Variants in PVT1 observed in about 807,000 individuals in gnomAD.
The protein encoded by PVT1 is CXCR4/PVT1 fusion.
rs539588799 is a variant in PVT1, at chr8:127,918,364, G to A, written n.782+27366G>A. On this transcript the variant is annotated intron_variant and non_coding_transcript_variant, in intron 3 of 10. Transcript: ENST00000651587. ...TGGTATGGCTGGCTAGATTGGAAAG[G>A]CAGCTCCTCCACGGACTTGCTCGGT... is the stretch of plus-strand genomic sequence containing the variant. Among the ~76,000 whole-genome samples the A allele has an allele frequency of 4.6e-5, 7 of 152,024 alleles. No homozygotes were observed. In the East Asian group the frequency reaches 1.4e-3, roughly 29 times the overall value.
intron 4 of PVT1, among the ~76,000 whole-genome samples, chr8:128,044,012 TTTA>T (rs1267678200): frequency 0.19 from 4,562 of 23,894 alleles, 150 homozygotes; most frequent in African/African-American, 0.29. Flanking sequence ...TTATTATTTA[TTTA>T]TTTTTTTTTT....
intron 4 of PVT1, among the ~76,000 whole-genome samples, chr8:128,035,968 G>A (rs770570654): frequency 2.0e-5 from 3 of 152,210 alleles, no homozygotes; most frequent in African/African-American, 4.8e-5. Flanking sequence ...CTCCAGAAGG[G>A]TAAGAGGATA....
At chr8:128,100,820 G>T (rs1467546739) in intron 6 of PVT1, among the ~76,000 whole-genome samples, 3 of 152,150 alleles carry the variant, frequency 2.0e-5, no homozygotes, top group African/African-American at 7.2e-5. Context: ...AGCCACTTTT[G>T]TAAAGCTGTT....
intron 4 of PVT1, among the ~76,000 whole-genome samples, chr8:128,020,934 A>G (rs1269528681): frequency 6.6e-6 from 1 of 152,186 alleles, no homozygotes; most frequent in African/African-American, 2.4e-5. Context: ...CTGAATGAGC[A>G]GGTTCTAACA....
intron 2 of PVT1, among the ~76,000 whole-genome samples, chr8:127,798,941 T>C (rs2130186357): frequency 6.6e-6 from 1 of 152,188 alleles, no homozygotes; most frequent in East Asian, 1.9e-4. Context: ...TGCAATCAGG[T>C]ATAGCACTGG....
chr8:127,850,530 A>G (rs1255424391), intron 2 of PVT1, among the ~76,000 whole-genome samples: 1 of 152,188 alleles, frequency 6.6e-6, no homozygotes, highest in East Asian at 1.9e-4. Context: ...GTATAGTAAG[A>G]CACAGTGATG....
chr8:128,036,344 A>G (rs1315611883), intron 4 of PVT1, among the ~76,000 whole-genome samples: 1 of 152,126 alleles, frequency 6.6e-6, no homozygotes, highest in African/African-American at 2.4e-5. Flanking sequence ...CACAGTATGT[A>G]CCCCAGCACC....
intron 3 of PVT1, among the ~76,000 whole-genome samples, chr8:127,927,539 G>T (rs1816145070): frequency 6.6e-6 from 1 of 152,188 alleles, no homozygotes; most frequent in Non-Finnish European, 1.5e-5. Flanking sequence ...AGCACTGCTT[G>T]CTGCATGGTC....
At chr8:127,824,511 T>G (rs1814766200) in intron 2 of PVT1, among the ~76,000 whole-genome samples, 1 of 152,230 alleles carries the variant, frequency 6.6e-6, no homozygotes. Context: ...ATCATTTCTT[T>G]CAAATAATGC....
chr8:127,935,428 GGT>G (rs145282884), intron 3 of PVT1, among the ~76,000 whole-genome samples: 8 of 150,694 alleles, frequency 5.3e-5, no homozygotes, highest in Non-Finnish European at 8.9e-5. Context: ...GCCAGGTCAG[GGT>G]GTGTGTGTGT....
chr8:127,891,629 G>C (rs1815603704), intron 3 of PVT1, among the ~76,000 whole-genome samples: 1 of 152,220 alleles, frequency 6.6e-6, no homozygotes, highest in Admixed American at 6.5e-5. Context: ...TTGAAATGCT[G>C]ACCACATGAC....
intron 4 of PVT1, among the ~76,000 whole-genome samples, chr8:128,012,089 C>T (rs1817320962): frequency 6.6e-6 from 1 of 152,188 alleles, no homozygotes; most frequent in African/African-American, 2.4e-5. Context: ...ATTTCCAAAG[C>T]ATTTTTGTGA....
chr8:127,805,085 C>G (rs929498762), intron 2 of PVT1, among the ~76,000 whole-genome samples: 6 of 151,746 alleles, frequency 4.0e-5, no homozygotes, highest in Non-Finnish European at 8.8e-5. Flanking sequence ...CGCTCACCAC[C>G]ACGCCCGGCT....
At chr8:127,875,600 G>A (rs187351411) in intron 2 of PVT1, among the ~76,000 whole-genome samples, 6 of 152,054 alleles carry the variant, frequency 3.9e-5, no homozygotes, top group African/African-American at 1.2e-4. Context: ...CCTCTAAGGC[G>A]CTCCACATCT....
At chr8:128,034,431 T>C (rs764639956) in intron 4 of PVT1, among the ~76,000 whole-genome samples, 11 of 152,172 alleles carry the variant, frequency 7.2e-5, no homozygotes, top group Non-Finnish European at 1.3e-4. Flanking sequence ...TTTTGGAACA[T>C]TACACTTCCA....
intron 4 of PVT1, among the ~76,000 whole-genome samples, chr8:128,043,258 A>C (rs941128614): frequency 3.2e-4 from 48 of 152,300 alleles, no homozygotes; most frequent in African/African-American, 1.0e-3. Flanking sequence ...TAACTTCAAA[A>C]ATATTTGAAA....
chr8:127,942,537 T>G (rs1816365608), intron 3 of PVT1, among the ~76,000 whole-genome samples: 1 of 152,144 alleles, frequency 6.6e-6, no homozygotes, highest in Admixed American at 6.5e-5. Context: ...ATAGGGGAAA[T>G]GATAACCCAT....
chr8:128,029,645 C>T lies in PVT1; in HGVS notation n.912+40354C>T, dbSNP rs143749144. 4.2e-3 allele frequency among the ~76,000 whole-genome samples: 642 copies of T among 152,102 alleles called. 5 individuals are homozygous for T. The highest frequency in any genetic ancestry group is 0.015 in the African/African-American group (627 of 41,500). On this transcript the variant is annotated intron_variant and non_coding_transcript_variant, in intron 4 of 10. Coordinates refer to ENST00000651587, the Ensembl canonical transcript of PVT1. ...TGAAACACCGTCTTTACTAAAAATA[C>T]AAAAATTAGCTGAGCGTGGTGGCGC...
At chr8:127,933,201 G>T (rs536853264) in intron 3 of PVT1, among the ~76,000 whole-genome samples, 70 of 152,258 alleles carry the variant, frequency 4.6e-4, no homozygotes, top group African/African-American at 1.6e-3. Context: ...TCAGCCACTG[G>T]AGTAGCTGGG....
Sources: gnomAD v4.1 joint callset for allele counts (sites outside exome capture counted in the v4.1 genomes callset) on GRCh38, gnomAD v4.1.1 for gene constraint, MANE v1.5 for transcripts, NCBI Gene and HGNC (gene_info 2026-07-23, HGNC 2026-07-21) for gene names.